The following XIST variants were observed in gnomAD, a reference collection of about 807,000 sequenced individuals.
XIST encodes the protein X inactive specific transcript.
exon 6 of XIST, chrX:73,826,407 G>A (rs1302738790): frequency 1.8e-6 from 1 of 556,631 alleles, no homozygotes; most frequent in African/African-American, 2.2e-5. Context: ...TCTCTCTCAA[G>A]TGGAGAAGAT....
chrX:73,821,530 AGG>A (rs1922116060), exon 6 of XIST: 1 of 557,017 alleles, frequency 1.8e-6, no homozygotes, highest in Non-Finnish European at 3.2e-6. Flanking sequence ...GTGAGGACAA[AGG>A]ATTTTGTCCT....
exon 1 of XIST, chrX:73,851,975 C>T (rs776890523): frequency 1.8e-6 from 1 of 556,993 alleles, no homozygotes; most frequent in Non-Finnish European, 3.2e-6. Flanking sequence ...ACAAAACCAA[C>T]ATTTTTTCAT....
exon 1 of XIST, chrX:73,845,191 G>C: frequency 1.8e-6 from 1 of 557,128 alleles, no homozygotes; most frequent in East Asian, 3.3e-5. Flanking sequence ...TATGGAGCGG[G>C]TACTTCCTGC....
At chrX:73,847,974 T>C (rs772305354) in exon 1 of XIST, 1 of 557,653 alleles carries the variant, frequency 1.8e-6, no homozygotes, top group Non-Finnish European at 3.2e-6. Context: ...ATGGTTCACA[T>C]TAACTATCCT....
At chrX:73,821,046 TTTAG>T in exon 6 of XIST, 1 of 558,987 alleles carries the variant, frequency 1.8e-6, no homozygotes, top group Non-Finnish European at 3.2e-6. Context: ...AAGGAAGGCT[TTTAG>T]TTACTTTCTT....
At chrX:73,823,431 A>C in exon 6 of XIST, 2 of 513,927 alleles carry the variant, frequency 3.9e-6, no homozygotes, top group Non-Finnish European at 7.0e-6. Flanking sequence ...AAACAATCAA[A>C]CCAAAGATGT....
chrX:73,829,958 C>T (rs1232411651), intron 4 of XIST, among the ~76,000 whole-genome samples: 1 of 110,585 alleles, frequency 9.0e-6, no homozygotes, highest in Non-Finnish European at 1.9e-5. Flanking sequence ...TTTAAGACCC[C>T]TCAAGTTTGC....
At chrX:73,844,652 G>A (rs756835613) in exon 1 of XIST, 1 of 556,637 alleles carries the variant, frequency 1.8e-6, no homozygotes, top group African/African-American at 2.2e-5. Context: ...AGATGGGATG[G>A]GGCAGAGGAG....
At chrX:73,827,568 G>A (rs1569511722) in exon 6 of XIST, 2 of 542,251 alleles carry the variant, frequency 3.7e-6, no homozygotes, top group African/African-American at 4.5e-5. Context: ...ATAAAAAGTA[G>A]AAACAGCAGA....
chrX:73,830,605 T>C (rs1247331344), intron 4 of XIST, among the ~76,000 whole-genome samples: 3 of 111,736 alleles, frequency 2.7e-5, no homozygotes, highest in Admixed American at 9.5e-5. Context: ...TCAGCAACCA[T>C]AGCATAAAAA....
chrX:73,845,307 A>G (rs754012011), exon 1 of XIST: 3 of 554,840 alleles, frequency 5.4e-6, no homozygotes, highest in Non-Finnish European at 9.7e-6. Context: ...GGCCAGGAAA[A>G]GGGGCCTTGG....
At chrX:73,845,429 CACTT>C in exon 1 of XIST, 2 of 549,948 alleles carry the variant, frequency 3.6e-6, no homozygotes, top group Middle Eastern at 6.3e-4. Context: ...TGCCTATGCT[CACTT>C]ACAATTGTGC....
intron 1 of XIST, among the ~76,000 whole-genome samples, chrX:73,840,436 GAA>G (rs142669123): frequency 1.8e-5 from 2 of 111,318 alleles, no homozygotes; most frequent in Non-Finnish European, 3.8e-5. Flanking sequence ...ATGTGCACCA[GAA>G]AAAAAGTTTC....
intron 4 of XIST, chrX:73,831,050 G>C (rs757029210): frequency 1.8e-6 from 1 of 555,437 alleles, no homozygotes; most frequent in Non-Finnish European, 3.3e-6. Flanking sequence ...TATGCTTTTA[G>C]GGACAGCTTA....
chrX:73,830,375 C>T lies in XIST; in HGVS notation n.11752+691G>A, dbSNP rs180677550. 3.0e-3 allele frequency among the ~76,000 whole-genome samples: 336 copies of T among 111,761 alleles called. 1 individual carries two copies. The highest frequency in any genetic ancestry group is 0.01 in the African/African-American group (322 of 30,786). ...TGAAAATATTTCATGAAATTTATAG[C>T]TACCCACTATTTACGAAGAATGCTG... On this transcript the variant is annotated intron_variant and non_coding_transcript_variant, in intron 4 of 5. Coordinates refer to ENST00000429829, the Ensembl canonical transcript of XIST.
At chrX:73,843,375 T>C (rs776099575) in exon 1 of XIST, 27 of 557,225 alleles carry the variant, frequency 4.8e-5, no homozygotes, top group Non-Finnish European at 6.8e-5. Context: ...TTATTAATGC[T>C]ATTAATTGTC....
rs183690784 is a variant in XIST, at chrX:73,844,750, T to C, written n.7974A>G. The C allele has an allele frequency of 2.1e-4, 114 of 555,948 alleles. No homozygotes were observed. In the African/African-American group the frequency reaches 2.3e-3, roughly 11 times the overall value. The allele number at this position is 555,948 out of a possible 1,213,427, so 45.8% of individuals were successfully genotyped here. ...AATGGGCCTTGGTTATCAGCACCCC[T>C]GCTGTACTGCAAAAGGGGTCTGAGA... On this transcript the variant is annotated non_coding_transcript_exon_variant, in exon 1 of 6. Coordinates refer to ENST00000429829, the Ensembl canonical transcript of XIST.
At chrX:73,841,350 A>C (rs1183351854) in intron 1 of XIST, 4 of 455,754 alleles carry the variant, frequency 8.8e-6, no homozygotes, top group Non-Finnish European at 1.2e-5. Context: ...AATAGGAAAA[A>C]GATTACTTAA....
Position 73,852,118 on chromosome X carries a change from A to G in XIST, n.606T>C, listed in dbSNP as rs778014551. On this transcript the variant is annotated non_coding_transcript_exon_variant, in exon 1 of 6. Transcript: ENST00000429829. ...GGCAAGGAAAAATAAAAAAAAAAAA[A>G]GCAGGTATCCGAAGCCCCGATGGGC... 7.6e-6 allele frequency: 4 copies of G among 526,463 alleles called. No homozygotes were observed. In the East Asian group the frequency reaches 1.4e-4, roughly 18 times the overall value. 43.4% of individuals were successfully genotyped at this position (526,463 alleles called of 1,213,427 possible). A position where few individuals can be genotyped will look rare whatever the true frequency, so the allele number is the denominator to read the frequency against.
Sources: gnomAD v4.1 joint callset for allele counts (sites outside exome capture counted in the v4.1 genomes callset) on GRCh38, gnomAD v4.1.1 for gene constraint, MANE v1.5 for transcripts, NCBI Gene and HGNC (gene_info 2026-07-23, HGNC 2026-07-21) for gene names.